GOLGA6L9: variants seen among roughly 807,000 people sequenced by gnomAD.
GOLGA6L9 encodes golgin A6 family like 9.
A neutral mutation model predicts 51.3 loss-of-function variants in GOLGA6L9; 19 were observed. The observed-to-expected ratio is 0.37, with a 90% CI of 0.26 to 0.54. The LOEUF is 0.54. Among genes scored for constraint, GOLGA6L9 ranks in the 20% least tolerant of loss-of-function variants. The pLI, the probability that GOLGA6L9 is intolerant of heterozygous loss-of-function variation, is 0.83. For missense variants in GOLGA6L9, 247 were observed against 464.1 expected, an observed-to-expected ratio of 0.53 and a Z score of 4.30; for synonymous variants, 97 against 184.2, an observed-to-expected ratio of 0.53 and a Z score of 3.83.
chr15:82,425,859 A>G (rs2031203406), upstream of GOLGA6L9, among the ~76,000 whole-genome samples: 1 of 148,986 alleles, frequency 6.7e-6, no homozygotes, highest in South Asian at 2.1e-4. Context: ...AGAAGAGTAG[A>G]ATAAGAATAT....
In GOLGA6L9 at chr15:82,436,427, TTG is replaced by T; in HGVS notation, c.*17_*18del. The T allele has an allele frequency of 6.5e-7, 1 of 1,548,564 alleles. No individual in the cohort carries two copies. The highest frequency in any genetic ancestry group is 1.1e-5 in the South Asian group (1 of 87,104). ...CATCATCTAAGAGCGGGTCAAGAAA[TTG>T]AAAAAAAAAAACAAAACATTTAAGG... On this transcript the variant is annotated 3_prime_UTR_variant, in exon 9 of 9. Transcript: ENST00000618348.
chr15:82,430,266 CCCCCCAACCCCAGCCCCTCTGGGCT>C, intron 1 of GOLGA6L9, 103 bp downstream of exon 1: 2 of 391,466 alleles, frequency 5.1e-6, no homozygotes, highest in Non-Finnish European at 8.6e-6. Flanking sequence ...CCAGATGGGG[CCCCCCAACCCCAGCCCCTCTGGGCT>C]CCCCCAACCA....
At position 82,434,282 on chromosome 15, in the gene GOLGA6L9, A is replaced by T. The variant is rs1455577314; in HGVS notation, c.682A>T (p.Arg228Trp). The stretch of plus-strand genomic sequence containing the variant: ...GGAGAGGCTGTGTGAACAGGAGGAG[A>T]GGCTACGTGAACAGGAGGAGAGGCT... ...QEERLCEQEE[R>W]LREQEERLCE... The change falls in exon 6 of 9, where the codon AGG (arginine) becomes TGG (tryptophan). Residue 228 changes from arginine to tryptophan, a missense_variant. Physicochemically the swap from Arg to Trp is moderately radical, Grantham distance 101 (BLOSUM62 -3). Coordinates refer to ENST00000618348, the MANE Select transcript of GOLGA6L9 (RefSeq NM_198181.4). 3.4e-4 allele frequency: 531 copies of T among 1,552,478 alleles called. No individual in the cohort carries two copies. Among genetic ancestry groups the T allele is most frequent in the Middle Eastern group, 6.8e-4 (3 of 4,384 alleles).
Position 82,431,903 on chromosome 15 carries a change from G to A in GOLGA6L9, c.158G>A (p.Ser53Asn). 1.5e-6 allele frequency: 2 copies of A among 1,357,250 alleles called. 1 individual carries two copies. The highest frequency in any genetic ancestry group is 5.8e-5 in the Admixed American group (2 of 34,624). 84.1% of individuals were successfully genotyped at this position (1,357,250 alleles called of 1,614,324 possible). Residue 53 changes from serine (S) to asparagine (N), a missense_variant, in exon 2 of 9, where the codon AGT becomes AAT. This residue lies in a region of GOLGA6L9 where 74 missense variants were observed against 91.2 expected (regional missense o/e 0.81). Transcript: ENST00000618348. Reference sequence around the variant, plus strand: ...AACAGGAAAAAGAAAATCAATGGCAGTAGCCCTGACACATTCACTTCTGGT... The same window carrying A: ...AACAGGAAAAAGAAAATCAATGGCAATAGCCCTGACACATTCACTTCTGGT... The part of the protein sequence containing the change: ...GANRKKKING[S>N]SPDTFTSGGY...
chr15:82,424,094 T>TG, the GOLGA6L9 span, among the ~76,000 whole-genome samples: 1 of 149,060 alleles, frequency 6.7e-6, no homozygotes, highest in African/African-American at 2.5e-5. Flanking sequence ...GTTTTTGAGA[T>TG]GAAGTCTTGC....
At chr15:82,433,376 G>C (rs1304473917) in intron 4 of GOLGA6L9, among the ~76,000 whole-genome samples, 186 bp from the exon 5 acceptor site, 3 of 152,102 alleles carry the variant, frequency 2.0e-5, no homozygotes, top group East Asian at 1.9e-4. Flanking sequence ...TCTGTCCTTT[G>C]CTGTTTTATA....
chr15:82,435,340 A>G (rs1200555248), intron 7 of GOLGA6L9: 2 of 327,614 alleles, frequency 6.1e-6, no homozygotes, highest in Non-Finnish European at 1.2e-5. Context: ...TACTAAAATT[A>G]AAAATAATAA....
At chr15:82,420,115 T>G in the GOLGA6L9 span, 2 of 284,478 alleles carry the variant, frequency 7.0e-6, no homozygotes, top group Non-Finnish European at 1.5e-5. Flanking sequence ...ATAAGATATA[T>G]TTTATGCTAC....
At chr15:82,432,469 A>G in intron 2 of GOLGA6L9, 103 bp from the exon 3 acceptor site, 4 of 1,431,072 alleles carry the variant, frequency 2.8e-6, no homozygotes, top group South Asian at 1.3e-5. Context: ...CAAGATAGGC[A>G]GAAAAGAAGC....
chr15:82,418,364 G>A, the GOLGA6L9 span, among the ~76,000 whole-genome samples: 1 of 152,114 alleles, frequency 6.6e-6, no homozygotes, highest in Non-Finnish European at 1.5e-5. Flanking sequence ...GAAAGGTGTG[G>A]GCAGAGCCCC....
Position 82,436,439 on chromosome 15 carries a change from A to C in GOLGA6L9, c.*28A>C. 2 of 1,514,894 alleles carry C rather than the reference A, an allele frequency of 1.3e-6. No homozygotes were observed. The highest frequency in any genetic ancestry group is 1.7e-5 in the Admixed American group (1 of 59,276). 93.8% of individuals were successfully genotyped at this position (1,514,894 alleles called of 1,614,324 possible). On this transcript the variant is annotated 3_prime_UTR_variant, in exon 9 of 9. Transcript: ENST00000618348. ...GCGGGTCAAGAAATTGAAAAAAAAAAACAAAACATTTAAGGGGTTAATATC... is the reference window on the plus strand; with the variant it reads ...GCGGGTCAAGAAATTGAAAAAAAAACACAAAACATTTAAGGGGTTAATATC...
rs1241110939 is a variant in GOLGA6L9 at position 82,436,406 on chromosome 15, A to G, written c.1294A>G (p.Ile432Val). ...AENRELNITII is the reference protein window; with the variant it reads ...AENRELNITIV Reference sequence around the variant, plus strand: ...GAACAGGGAGCTAAACATCACCATCATCTAAGAGCGGGTCAAGAAATTGAA... The same window carrying G: ...GAACAGGGAGCTAAACATCACCATCGTCTAAGAGCGGGTCAAGAAATTGAA... Residue 432 changes from isoleucine to valine, a missense_variant, in exon 9 of 9, where the codon ATC (isoleucine) becomes GTC (valine). Transcript: ENST00000618348. 6.3e-7 allele frequency: 1 copy of G among 1,592,208 alleles called. No homozygotes were observed. Among genetic ancestry groups the G allele is most frequent in the African/African-American group, 1.4e-5 (1 of 74,058 alleles).
the GOLGA6L9 span, among the ~76,000 whole-genome samples, chr15:82,419,635 G>A: frequency 6.6e-6 from 1 of 151,828 alleles, no homozygotes; most frequent in Non-Finnish European, 1.5e-5. Context: ...GGGTGACAGA[G>A]CAAGACTCCA....
At chr15:82,418,215 A>C in the GOLGA6L9 span, among the ~76,000 whole-genome samples, 2 of 152,180 alleles carry the variant, frequency 1.3e-5, no homozygotes, top group Admixed American at 6.5e-5. Context: ...TCTCTGCAAA[A>C]TAATTTGGTT....
upstream of GOLGA6L9, among the ~76,000 whole-genome samples, chr15:82,425,393 ATGG>A (rs2031195219): frequency 9.3e-6 from 1 of 107,744 alleles, no homozygotes; most frequent in Admixed American, 1.0e-4. Flanking sequence ...ATACATGTGC[ATGG>A]TTAAATAGAA....
chr15:82,430,257 C>A, intron 1 of GOLGA6L9, 94 bp downstream of exon 1: 1 of 415,534 alleles, frequency 2.4e-6, no homozygotes, highest in East Asian at 4.0e-5. Flanking sequence ...TGAGGCATAC[C>A]AGATGGGGCC....
chr15:82,434,242 G>C lies in GOLGA6L9; in HGVS notation c.642G>C (p.Arg214Ser). 1 of 1,552,054 alleles carries C rather than the reference G, an allele frequency of 6.4e-7. No individual in the cohort carries two copies. The highest frequency in any genetic ancestry group is 1.2e-5 in the South Asian group (1 of 84,366). ...QEERLREQEE[R>S]LCEQEERLCE... ...AGAGGCTACGTGAACAGGAGGAGAGGCTGTGTGAACAGGAGGAGAGGCTGT... is the reference window on the plus strand; with the variant it reads ...AGAGGCTACGTGAACAGGAGGAGAGCCTGTGTGAACAGGAGGAGAGGCTGT... The change falls in exon 6 of 9, where the codon AGG (arginine) becomes AGC (serine). Residue 214 changes from arginine to serine, a missense_variant. By Grantham distance (110) the Arg-to-Ser change is moderately radical (BLOSUM62 -1). Coordinates refer to ENST00000618348, the MANE Select transcript of GOLGA6L9 (RefSeq NM_198181.4).
At chr15:82,435,171 C>G in intron 7 of GOLGA6L9, 1 of 254,590 alleles carries the variant, frequency 3.9e-6, no homozygotes, top group South Asian at 2.9e-5. Flanking sequence ...GCATGGAGCC[C>G]CCCAATCACA....
chr15:82,438,561 C>A lies in GOLGA6L9; in HGVS notation c.*2150C>A, dbSNP rs2031806260. The A allele has an allele frequency of 1.4e-5, 2 of 146,286 alleles. No individual in the cohort carries two copies. Among genetic ancestry groups the A allele is most frequent in the East Asian group, 4.0e-4 (2 of 5,034 alleles). The allele number at this position is 146,286 out of a possible 1,614,324, so 9.1% of individuals were successfully genotyped here. The stretch of plus-strand genomic sequence containing the variant: ...GGCAGCCTTTAATTTGCTTAGAAGG[C>A]AACATTAGAAGGTTAGAGTTCAGCA... On this transcript the variant is annotated 3_prime_UTR_variant, in exon 9 of 9. Transcript: ENST00000618348.
Sources: allele counts gnomAD v4.1 joint callset (sites outside exome capture counted in the v4.1 genomes callset), GRCh38; gene constraint gnomAD v4.1.1; regional missense constraint gnomAD v4.1.1; transcripts MANE v1.5; gene names NCBI Gene and HGNC (gene_info 2026-07-23, HGNC 2026-07-21).